ANKRD55: variants seen among roughly 807,000 people sequenced by gnomAD.
The protein encoded by ANKRD55 is ankyrin repeat domain 55.
In ANKRD55, 41 loss-of-function variants were observed where a neutral mutation model predicts 60.6. The observed-to-expected ratio is 0.68, with a 90% CI of 0.53 to 0.88. The LOEUF is 0.88. Ranked by LOEUF, ANKRD55 falls within the 40% of genes least tolerant of loss-of-function variation. The pLI, the probability that ANKRD55 is intolerant of heterozygous loss-of-function variation, is 0.00. For missense variants in ANKRD55, 732 were observed against 767.6 expected (o/e 0.95, Z 0.55); for synonymous variants, 264 against 290.3 (o/e 0.91, Z 0.92).
In ANKRD55 at chr5:56,159,842, C is replaced by T. The variant is rs1580990955; in HGVS notation, c.474G>A (p.Gln158=). 2 of 1,613,964 alleles carry T rather than the reference C, an allele frequency of 1.2e-6. No individual in the cohort carries two copies. ...TGAGAGTGTGGCTCACCTCATTGTC[C>T]TGGTGATTAATCTCGCTGATGTTCG... ...QQSNISEINH[Q]DNEGMTPLHW... is the part of the protein sequence containing the mutation. Residue 158 remains glutamine, a synonymous_variant, in exon 6 of 12, where the codon CAG becomes CAA. Coordinates refer to ENST00000341048, the MANE Select transcript of ANKRD55 (RefSeq NM_024669.3).
chr5:56,162,122 A>G (rs1758348268), intron 5 of ANKRD55: 5 of 771,794 alleles, frequency 6.5e-6, no homozygotes, highest in Non-Finnish European at 1.6e-6. Flanking sequence ...GCTGTGGTCC[A>G]GTGTGGTTAT....
At chr5:56,137,403 C>T in intron 7 of ANKRD55, 2 of 911,312 alleles carry the variant, frequency 2.2e-6, no homozygotes, top group Admixed American at 3.4e-5. Flanking sequence ...CATGAGCTCT[C>T]CCTGCCACAC....
chr5:56,197,665 TTA>T (rs1335080960), intron 2 of ANKRD55, among the ~76,000 whole-genome samples: 2 of 152,236 alleles, frequency 1.3e-5, no homozygotes, highest in East Asian at 3.8e-4. Context: ...GATGGTATGC[TTA>T]TATTTTCTAG....
intron 2 of ANKRD55, among the ~76,000 whole-genome samples, chr5:56,221,472 T>G (rs1392512406): frequency 6.6e-6 from 1 of 152,140 alleles, no homozygotes; most frequent in Non-Finnish European, 1.5e-5. Context: ...CAGGTTCATC[T>G]CACTGGGGCT....
chr5:56,156,343 G>A (rs28489381), intron 6 of ANKRD55, among the ~76,000 whole-genome samples: 1 of 152,326 alleles, frequency 6.6e-6, no homozygotes, highest in African/African-American at 2.4e-5. Flanking sequence ...CTTTGCATGA[G>A]GAGGAACCAG....
At chr5:56,195,700 T>A (rs1316167890) in intron 2 of ANKRD55, among the ~76,000 whole-genome samples, 1 of 152,166 alleles carries the variant, frequency 6.6e-6, no homozygotes, top group East Asian at 1.9e-4. Context: ...CATCTCCGCC[T>A]CCCAAAGTGC....
At chr5:56,191,284 A>G (rs1238922011) in intron 2 of ANKRD55, among the ~76,000 whole-genome samples, 1 of 152,186 alleles carries the variant, frequency 6.6e-6, no homozygotes. Context: ...GAATCTGTAG[A>G]TTGCTTTGTG....
At chr5:56,167,322 G>A (rs1758506235) in intron 5 of ANKRD55, among the ~76,000 whole-genome samples, 1 of 152,228 alleles carries the variant, frequency 6.6e-6, no homozygotes. Flanking sequence ...AGACACTGTA[G>A]GCAATTGTAA....
Position 56,176,245 on chromosome 5 carries a change from T to C in ANKRD55, c.219A>G (p.Gln73=), listed in dbSNP as rs1758736430. 7 of 1,614,216 alleles carry C rather than the reference T, an allele frequency of 4.3e-6. No homozygotes were observed. The South Asian group carries it at 4.4e-5, about 10-fold the overall frequency. The change falls in exon 4 of 12, where the codon CAA becomes CAG. Residue 73 remains glutamine, a synonymous_variant. Coordinates refer to ENST00000341048, the MANE Select transcript of ANKRD55 (RefSeq NM_024669.3). ...TCAACAGCAGCTTCACTGTGTCCGCTTGACGTCCAGAAACCGCATGCATCA... is the reference window on the plus strand; with the variant it reads ...TCAACAGCAGCTTCACTGTGTCCGCCTGACGTCCAGAAACCGCATGCATCA... The part of the protein sequence containing the change: ...TPLMHAVSGR[Q]ADTVKLLLKM...
chr5:56,105,917 G>C (rs114882496), intron 10 of ANKRD55, among the ~76,000 whole-genome samples: 21 of 152,152 alleles, frequency 1.4e-4, no homozygotes, highest in Admixed American at 1.4e-3. Context: ...TAAATAACCA[G>C]GCTAGCAGAC....
intron 5 of ANKRD55, 37 bp downstream of exon 5, chr5:56,170,657 C>A: frequency 6.6e-7 from 1 of 1,523,490 alleles, no homozygotes; most frequent in Non-Finnish European, 9.1e-7. Flanking sequence ...AGTTGAGTCA[C>A]TCCCAACTTG....
chr5:56,150,120 G>A (rs113442997), intron 6 of ANKRD55, among the ~76,000 whole-genome samples: 1 of 152,126 alleles, frequency 6.6e-6, no homozygotes, highest in Non-Finnish European at 1.5e-5. Context: ...GATTACAGGC[G>A]TGAGCCACTG....
At chr5:56,137,924 GCAC>G (rs1240803863) in intron 7 of ANKRD55, among the ~76,000 whole-genome samples, 10 of 152,106 alleles carry the variant, frequency 6.6e-5, no homozygotes, top group Admixed American at 2.0e-4. Flanking sequence ...ATGAAAAGAT[GCAC>G]CACATCATAC....
At chr5:56,196,414 T>C (rs1235936252) in intron 2 of ANKRD55, among the ~76,000 whole-genome samples, 1 of 152,224 alleles carries the variant, frequency 6.6e-6, no homozygotes, top group African/African-American at 2.4e-5. Context: ...CTAGTATTTA[T>C]CGAGTGCCTA....
rs375438027 is a variant in ANKRD55 at position 56,183,503 on chromosome 5, A to C, written c.181+9T>G. The C allele has an allele frequency of 5.0e-6, 8 of 1,613,804 alleles. No individual in the cohort carries two copies. The highest frequency in any genetic ancestry group is 6.8e-6 in the Non-Finnish European group (8 of 1,179,912). On this transcript the variant is annotated intron_variant, in intron 3 of 11. Transcript: ENST00000341048. ...AACATTCTGGATTCAAAATGCATAC[A>C]TATCTCACCTTCACTGTCACAGCAT...
rs866327326 is a variant in ANKRD55, at chr5:56,217,819, C to T, written c.58+15037G>A. Among the ~76,000 whole-genome samples the T allele has an allele frequency of 2.0e-4, 30 of 152,060 alleles. No individual in the cohort carries two copies. The Middle Eastern group carries it at 0.017, about 86-fold the overall frequency. ...GCTGAGGCAGGAGAATGGCATGAAC[C>T]CAGGCGGCAGAACTTGCAGTGAGCC... On this transcript the variant is annotated intron_variant, in intron 2 of 11. Transcript: ENST00000341048.
chr5:56,199,152 C>A (rs1759302039), intron 2 of ANKRD55, among the ~76,000 whole-genome samples: 1 of 152,068 alleles, frequency 6.6e-6, no homozygotes, highest in Non-Finnish European at 1.5e-5. Context: ...GAAATAAAAA[C>A]TTTAACAAAG....
chr5:56,207,699 C>G (rs1759547936), intron 2 of ANKRD55, among the ~76,000 whole-genome samples: 1 of 152,198 alleles, frequency 6.6e-6, no homozygotes, highest in Non-Finnish European at 1.5e-5. Flanking sequence ...ATGTGCTACA[C>G]TAGTGTAGGG....
chr5:56,213,948 A>C (rs1377831311), intron 2 of ANKRD55, among the ~76,000 whole-genome samples: 1 of 152,254 alleles, frequency 6.6e-6, no homozygotes. Flanking sequence ...TATAAAGGAA[A>C]GATGTTTGAT....
Sources: gnomAD v4.1 joint callset for allele counts (sites outside exome capture counted in the v4.1 genomes callset) on GRCh38, gnomAD v4.1.1 for gene constraint, MANE v1.5 for transcripts, NCBI Gene and HGNC (gene_info 2026-07-23, HGNC 2026-07-21) for gene names.